SPTBN4: variants seen among roughly 807,000 people sequenced by gnomAD.
SPTBN4 encodes the protein spectrin beta chain, non-erythrocytic 4.
SPTBN4 carries 96 observed loss-of-function variants against 277.8 expected under a neutral mutation model. That is an observed-to-expected ratio of 0.35 (90% CI 0.29 to 0.41). SPTBN4 has a LOEUF of 0.41. SPTBN4 is among the 10% of genes least tolerant of loss of function. The pLI, the probability that SPTBN4 is intolerant of heterozygous loss-of-function variation, is 1.00. For synonymous variants in SPTBN4, 1,481 were observed against 1,580.3 expected, an observed-to-expected ratio of 0.94 and a Z score of 1.49; for missense variants, 3,006 against 3,595.7, an observed-to-expected ratio of 0.84 and a Z score of 4.19.
chr19:40,490,707 T>C lies in SPTBN4; in HGVS notation c.495+459T>C, dbSNP rs1028238447. Among the ~76,000 whole-genome samples, 1 of 152,062 alleles carries C rather than the reference T, an allele frequency of 6.6e-6. No individual in the cohort carries two copies. The highest frequency in any genetic ancestry group is 1.5e-5 in the Non-Finnish European group (1 of 68,022). Reference sequence around the variant, plus strand: ...GGAAGACAGATAATAAATACATAAATATGTAAAGAAGACATGTATGGAAAA... The same window carrying C: ...GGAAGACAGATAATAAATACATAAACATGTAAAGAAGACATGTATGGAAAA... On this transcript the variant is annotated intron_variant, in intron 4 of 35. Coordinates refer to ENST00000598249, the MANE Select transcript of SPTBN4 (RefSeq NM_020971.3). The surrounding 1 kb of genome is among the most constrained non-coding windows in gnomAD (Gnocchi z 4.3).
Position 40,560,205 on chromosome 19 carries a change from C to T in SPTBN4, c.5717C>T (p.Ala1906Val), listed in dbSNP as rs776411135. The T allele has an allele frequency of 5.0e-6, 8 of 1,605,674 alleles. No homozygotes were observed. Among genetic ancestry groups the T allele is most frequent in the East Asian group, 2.2e-5 (1 of 44,884 alleles). Residue 1906 changes from alanine (A) to valine (V), a missense_variant, in exon 27 of 36, where the codon GCG becomes GTG. Transcript: ENST00000598249. The surrounding 1 kb of genome is among the most constrained non-coding windows in gnomAD (Gnocchi z 5.2). ...EGAAQLRTVY[A>V]GEHAEAIASR... ...GCGGCCCAGCTGCGGACGGTGTATGCGGGTGAACATGCCGAGGCCATCGCT... is the reference window on the plus strand; with the variant it reads ...GCGGCCCAGCTGCGGACGGTGTATGTGGGTGAACATGCCGAGGCCATCGCT...
rs2145923797 is a variant in SPTBN4 at position 40,549,563 on chromosome 19, C to T, written c.4584+150C>T. On this transcript the variant is annotated intron_variant, in intron 21 of 35. Transcript: ENST00000598249. ...TCAGCCGTTCACTCATTCATTCATT[C>T]ACACTCATTTACTCACTTTGAATCA... The T allele has an allele frequency of 4.9e-6, 3 of 611,232 alleles. No individual in the cohort carries two copies. The South Asian group carries it at 6.7e-5, about 14-fold the overall frequency. 37.9% of individuals were successfully genotyped at this position (611,232 alleles called of 1,614,324 possible).
intron 21 of SPTBN4, among the ~76,000 whole-genome samples, chr19:40,549,981 C>T (rs571912111): frequency 6.6e-6 from 1 of 152,046 alleles, no homozygotes; most frequent in African/African-American, 2.4e-5. Flanking sequence ...AGTATGTCAA[C>T]AGAGGAGACT....
At chr19:40,545,597 C>T (rs1043089901) in intron 20 of SPTBN4, among the ~76,000 whole-genome samples, 1 of 152,072 alleles carries the variant, frequency 6.6e-6, no homozygotes, top group Non-Finnish European at 1.5e-5. Context: ...TACATTTTTG[C>T]CAACCTAATG....
At chr19:40,504,159 G>T in intron 12 of SPTBN4, 27 bp downstream of exon 12, 4 of 1,304,824 alleles carry the variant, frequency 3.1e-6, no homozygotes, top group Non-Finnish European at 3.2e-6. Context: ...GGGGATGCGG[G>T]TGGAGTGCCA....
At chr19:40,507,692 G>A (rs1040415281) in intron 13 of SPTBN4, among the ~76,000 whole-genome samples, 9 of 151,996 alleles carry the variant, frequency 5.9e-5, no homozygotes, top group East Asian at 1.9e-4. Context: ...AAAATTAGCC[G>A]GACATAGTGG....
intron 13 of SPTBN4, among the ~76,000 whole-genome samples, chr19:40,508,841 T>A (rs1463787930): frequency 6.6e-6 from 1 of 151,948 alleles, no homozygotes; most frequent in African/African-American, 2.4e-5. Context: ...TCTTAATCAT[T>A]TTGATCTAGG....
intron 30 of SPTBN4, chr19:40,566,973 T>TAAA (rs113655225): frequency 4.4e-4 from 97 of 222,678 alleles, no homozygotes; most frequent in South Asian, 9.1e-4. Flanking sequence ...ACAACAACAA[T>TAAA]AAAAAAAAAA....
intron 7 of SPTBN4, 40 bp from the exon 8 acceptor site, chr19:40,501,881 G>A (rs2080266462): frequency 6.4e-7 from 1 of 1,556,212 alleles, no homozygotes. Context: ...CTCTGTCAAA[G>A]TGCCCACTGT....
Position 40,512,965 on chromosome 19 carries a change from G to A in SPTBN4, c.2176G>A (p.Val726Ile), listed in dbSNP as rs777720603. 1 of 1,412,872 alleles carries A rather than the reference G, an allele frequency of 7.1e-7. No individual in the cohort carries two copies. The highest frequency in any genetic ancestry group is 1.5e-5 in the South Asian group (1 of 67,158). The allele number at this position is 1,412,872 out of a possible 1,614,324, so 87.5% of individuals were successfully genotyped here. Residue 726 changes from valine (V) to isoleucine (I), a missense_variant, in exon 14 of 36, where the codon GTT becomes ATT. Transcript: ENST00000598249. ...QQALRCGEEL[V>I]AAGGAVGPGA... ...GGCCCTGCGGTGTGGCGAGGAGCTG[G>A]TTGCGGCCGGCGGTGCCGTCGGCCC...
intron 17 of SPTBN4, among the ~76,000 whole-genome samples, chr19:40,526,850 A>G (rs2080598571): frequency 6.6e-6 from 1 of 152,052 alleles, no homozygotes; most frequent in Admixed American, 6.6e-5. Flanking sequence ...GGCCTCCCCA[A>G]AGTGCTCGGA....
intron 2 of SPTBN4, among the ~76,000 whole-genome samples, chr19:40,479,077 T>C (rs1307788115): frequency 2.0e-5 from 3 of 152,022 alleles, no homozygotes; most frequent in African/African-American, 7.2e-5. Context: ...TGCATCCCTT[T>C]GCCCAGCTCT....
rs1322445102 is a variant in SPTBN4, at chr19:40,560,032, G to A, written c.5671-127G>A. On this transcript the variant is annotated intron_variant, in intron 26 of 35. Coordinates refer to ENST00000598249, the MANE Select transcript of SPTBN4 (RefSeq NM_020971.3). The surrounding 1 kb of genome is among the most constrained non-coding windows in gnomAD (Gnocchi z 5.2). ...AAATCAGGCAGCAGATATGACAGGA[G>A]CCTGGCTGTGGGATCACAGTGTGAG... is the stretch of plus-strand genomic sequence containing the variant. 2.1e-6 allele frequency: 3 copies of A among 1,432,562 alleles called. No individual in the cohort carries two copies. The highest frequency in any genetic ancestry group is 2.7e-6 in the Non-Finnish European group (3 of 1,097,324). 88.7% of individuals were successfully genotyped at this position (1,432,562 alleles called of 1,614,324 possible).
intron 20 of SPTBN4, among the ~76,000 whole-genome samples, chr19:40,546,238 AAAAGAAAG>A (rs1275625822): frequency 6.6e-6 from 1 of 151,294 alleles, no homozygotes. Context: ...AAAAAAAAAA[AAAAGAAAG>A]AAAGAAAGAA....
At chr19:40,530,773 C>A (rs190508005) in intron 18 of SPTBN4, 50 of 172,052 alleles carry the variant, frequency 2.9e-4, no homozygotes, top group African/African-American at 1.1e-3. Context: ...GGGAGCTGTC[C>A]GCGGTGCTGG....
At chr19:40,513,868 C>T (rs1421156563) in intron 14 of SPTBN4, among the ~76,000 whole-genome samples, 1 of 152,186 alleles carries the variant, frequency 6.6e-6, no homozygotes, top group Non-Finnish European at 1.5e-5. Flanking sequence ...TCTTGTTACC[C>T]AGGCTTACAT....
intron 15 of SPTBN4, among the ~76,000 whole-genome samples, chr19:40,517,337 T>C (rs1047800195): frequency 2.6e-5 from 4 of 151,916 alleles, no homozygotes; most frequent in African/African-American, 9.7e-5. Context: ...TCGCCCAGAC[T>C]GGAGTGCAGT....
At chr19:40,527,061 C>T (rs151031246) in intron 17 of SPTBN4, among the ~76,000 whole-genome samples, 117 of 152,302 alleles carry the variant, frequency 7.7e-4, no homozygotes, top group African/African-American at 2.5e-3. Flanking sequence ...GTCAGTGCTT[C>T]GCTTGCTTGT....
Position 40,567,858 on chromosome 19 carries a change from T to C in SPTBN4, c.6532T>C (p.Tyr2178His). Residue 2178 changes from tyrosine (Y) to histidine (H), a missense_variant, in exon 31 of 36, where the codon TAT becomes CAT. Tyr to His is a moderately conservative substitution (Grantham distance 83). Around this residue, in one of 5 missense-constraint regions of SPTBN4, gnomAD observed 630 missense variants for 677.6 expected, o/e 0.93. Coordinates refer to ENST00000598249, the MANE Select transcript of SPTBN4 (RefSeq NM_020971.3). ...GGCCGAGGTGCGGACTCGGGTGGGG[T>C]ATGTGCGCCAGGAGCTCAAGCCCGA... The part of the protein sequence containing the change: ...LSAEVRTRVG[Y>H]VRQELKPERL... 1 of 1,524,592 alleles carries C rather than the reference T, an allele frequency of 6.6e-7. No individual in the cohort carries two copies. Among genetic ancestry groups the C allele is most frequent in the East Asian group, 2.6e-5 (1 of 37,780 alleles). 94.4% of individuals were successfully genotyped at this position (1,524,592 alleles called of 1,614,324 possible). A position where few individuals can be genotyped will look rare whatever the true frequency, so the allele number is the denominator to read the frequency against.
Sources: gnomAD v4.1 joint callset for allele counts (sites outside exome capture counted in the v4.1 genomes callset) on GRCh38, gnomAD v4.1.1 for gene constraint, gnomAD v4.1.1 regional missense constraint, Gnocchi (gnomAD v3.1) non-coding constraint, MANE v1.5 for transcripts, NCBI Gene and HGNC (gene_info 2026-07-23, HGNC 2026-07-21) for gene names.